The following MAGEA11 variants were observed in gnomAD, a reference collection of about 807,000 sequenced individuals.
MAGEA11 encodes MAGE family member A11, also known as melanoma-associated antigen 11.
Under a neutral mutation model 8.4 loss-of-function variants are expected in MAGEA11, and 1 was observed. The observed-to-expected ratio is 0.12, with a 90% CI of 0.04 to 0.57. MAGEA11 has a LOEUF of 0.57. MAGEA11 is among the 20% of genes least tolerant of loss of function. MAGEA11 has a pLI of 0.91. For missense variants in MAGEA11, 209 were observed against 317.3 expected (o/e 0.66, Z 2.59); for synonymous variants, 127 against 119.3 (o/e 1.06, Z -0.42).
intron 1 of MAGEA11, among the ~76,000 whole-genome samples, chrX:149,705,220 C>CTCCCATAAT (rs1251907108): frequency 8.9e-6 from 1 of 112,341 alleles, no homozygotes; most frequent in African/African-American, 3.2e-5. Flanking sequence ...CTGAATTGTA[C>CTCCCATAAT]TCCCATAATT....
At chrX:149,707,249 T>C (rs868933102), upstream of MAGEA11, among the ~76,000 whole-genome samples, 3 of 112,448 alleles carry the variant, frequency 2.7e-5, no homozygotes, top group African/African-American at 9.7e-5. Context: ...GCATGTATTG[T>C]GTGCCAGGCA....
At chrX:149,712,873 G>C (rs1557362040) in intron 1 of MAGEA11, among the ~76,000 whole-genome samples, 1 of 112,650 alleles carries the variant, frequency 8.9e-6, no homozygotes, top group Non-Finnish European at 1.9e-5. Flanking sequence ...AGGGAGGGCT[G>C]AGGCCCCACA....
upstream of MAGEA11, among the ~76,000 whole-genome samples, chrX:149,709,647 G>A (rs1278728715): frequency 8.9e-6 from 1 of 111,813 alleles, no homozygotes; most frequent in African/African-American, 3.3e-5. Context: ...ATGGAAAAAC[G>A]GGATATATCC....
chrX:149,692,503 C>T (rs1351887178), intron 1 of MAGEA11, among the ~76,000 whole-genome samples: 1 of 111,152 alleles, frequency 9.0e-6, no homozygotes, highest in Non-Finnish European at 1.9e-5. Context: ...GTTAGCTGGC[C>T]AACTTTGGTA....
At chrX:149,690,145 T>C (rs782785312) in intron 1 of MAGEA11, among the ~76,000 whole-genome samples, 5 of 112,569 alleles carry the variant, frequency 4.4e-5, no homozygotes, top group Non-Finnish European at 9.4e-5. Context: ...TGTACAAGCA[T>C]GCTCAACAAG....
At chrX:149,699,649 C>G (rs1210715293) in intron 1 of MAGEA11, among the ~76,000 whole-genome samples, 1 of 111,699 alleles carries the variant, frequency 9.0e-6, no homozygotes, top group African/African-American at 3.3e-5. Context: ...GTGTTCCCAA[C>G]TTGAGAAGGC....
intron 1 of MAGEA11, among the ~76,000 whole-genome samples, chrX:149,695,681 C>G (rs2090327865): frequency 8.9e-6 from 1 of 112,172 alleles, no homozygotes; most frequent in South Asian, 3.7e-4. Context: ...AAATGCGAGT[C>G]AAAACCTAAA....
At chrX:149,705,047 C>T (rs782374531) in intron 1 of MAGEA11, among the ~76,000 whole-genome samples, 1 of 112,620 alleles carries the variant, frequency 8.9e-6, no homozygotes. Flanking sequence ...AACAAGCATC[C>T]TGCCACTAGC....
chrX:149,713,102 C>CA, intron 1 of MAGEA11, 41 bp from the exon 2 acceptor site: 4 of 921,770 alleles, frequency 4.3e-6, no homozygotes, highest in Admixed American at 2.2e-5. Context: ...AGCCCCCCCC[C>CA]ATAGTCCCGC....
intron 1 of MAGEA11, among the ~76,000 whole-genome samples, chrX:149,690,716 C>T (rs1395019879): frequency 8.9e-6 from 1 of 111,963 alleles, no homozygotes; most frequent in Non-Finnish European, 1.9e-5. Flanking sequence ...TATACTTATG[C>T]ATGCAGTTGC....
At chrX:149,708,981 T>C (rs1476394395), upstream of MAGEA11, among the ~76,000 whole-genome samples, 1 of 79,694 alleles carries the variant, frequency 1.3e-5, no homozygotes, top group Admixed American at 1.4e-4. Context: ...TGAAATGAAC[T>C]ATATTTTATA....
At chrX:149,689,293 G>C (rs2090300923) in intron 1 of MAGEA11, among the ~76,000 whole-genome samples, 1 of 111,328 alleles carries the variant, frequency 9.0e-6, no homozygotes, top group African/African-American at 3.3e-5. Context: ...TTCTAATCTA[G>C]TGTGTTCTAG....
intron 1 of MAGEA11, among the ~76,000 whole-genome samples, chrX:149,704,179 C>T (rs1557361234): frequency 8.9e-6 from 1 of 112,012 alleles, no homozygotes; most frequent in African/African-American, 3.2e-5. Context: ...GGCCTCTCTC[C>T]TGTTCTATCC....
chrX:149,715,398 A>G (rs782646600), intron 3 of MAGEA11, among the ~76,000 whole-genome samples: 1 of 111,638 alleles, frequency 9.0e-6, no homozygotes. Flanking sequence ...GTCTCAAGCA[A>G]TGTCTTCAGA....
At chrX:149,709,113 C>A (rs781992720), upstream of MAGEA11, among the ~76,000 whole-genome samples, 1 of 108,972 alleles carries the variant, frequency 9.2e-6, no homozygotes, top group Non-Finnish European at 1.9e-5. Flanking sequence ...GGTGAAACCC[C>A]GTCTCTACTA....
chrX:149,693,050 C>T (rs1403197195), intron 1 of MAGEA11, among the ~76,000 whole-genome samples: 2 of 112,351 alleles, frequency 1.8e-5, no homozygotes, highest in South Asian at 3.7e-4. Context: ...AGTGTGCAAA[C>T]GGACTGATAC....
At chrX:149,715,015 A>G (rs2090420152) in intron 3 of MAGEA11, among the ~76,000 whole-genome samples, 1 of 111,935 alleles carries the variant, frequency 8.9e-6, no homozygotes, top group Non-Finnish European at 1.9e-5. Context: ...TCAAGATGGG[A>G]ACCAAACAGG....
intron 1 of MAGEA11, among the ~76,000 whole-genome samples, chrX:149,704,093 A>G (rs782353050): frequency 1.8e-5 from 2 of 112,376 alleles, no homozygotes; most frequent in South Asian, 7.4e-4. Context: ...TTGCCCTATC[A>G]ATATGCCCCT....
chrX:149,705,641 T>A (rs2090374100), intron 1 of MAGEA11, among the ~76,000 whole-genome samples: 1 of 112,205 alleles, frequency 8.9e-6, no homozygotes, highest in Non-Finnish European at 1.9e-5. Context: ...CAGAGAGGTC[T>A]CTTAGGAGAG....
Sources: allele counts gnomAD v4.1 joint callset (sites outside exome capture counted in the v4.1 genomes callset), GRCh38; gene constraint gnomAD v4.1.1; transcripts MANE v1.5; gene names NCBI Gene and HGNC (gene_info 2026-07-23, HGNC 2026-07-21).